Variants in ADAM21 observed in about 807,000 individuals in gnomAD.
The protein encoded by ADAM21 is disintegrin and metalloproteinase domain-containing protein 21.
For missense variants in ADAM21, 678 were observed against 874.4 expected, an observed-to-expected ratio of 0.78 and a Z score of 2.83; for synonymous variants, 262 against 306.0, an observed-to-expected ratio of 0.86 and a Z score of 1.50.
Position 70,459,820 on chromosome 14 carries a change from A to G in ADAM21, c.*152A>G. On this transcript the variant is annotated 3_prime_UTR_variant, in exon 2 of 2. Transcript: ENST00000603540. ...TTACATTAGTACCACAAACATTGTC[A>G]TTAAGTTCAAGTTATTCTTAACATG... 3 of 896,062 alleles carry G rather than the reference A, an allele frequency of 3.3e-6. No homozygotes were observed. The South Asian group carries it at 5.2e-5, about 15-fold the overall frequency. 55.5% of individuals were successfully genotyped at this position (896,062 alleles called of 1,614,324 possible).
chr14:70,453,705 C>T (rs1047837902), intron 1 of ADAM21, among the ~76,000 whole-genome samples: 2 of 152,200 alleles, frequency 1.3e-5, no homozygotes, highest in Non-Finnish European at 2.9e-5. Flanking sequence ...ACAACTGTCA[C>T]TCCATAGTAA....
rs1882498214 is a variant in ADAM21 at position 70,459,731 on chromosome 14, A to G, written c.*63A>G. 1 of 1,558,728 alleles carries G rather than the reference A, an allele frequency of 6.4e-7. No homozygotes were observed. Among genetic ancestry groups the G allele is most frequent in the East Asian group, 2.2e-5 (1 of 44,524 alleles). ...ACTTTAGTCTCTTGGCAGTAGAAAC[A>G]TTAGTACATCCCTGAAACTGAGCAC... On this transcript the variant is annotated 3_prime_UTR_variant, in exon 2 of 2. Coordinates refer to ENST00000603540, the MANE Select transcript of ADAM21 (RefSeq NM_003813.4).
intron 1 of ADAM21, among the ~76,000 whole-genome samples, chr14:70,453,958 T>C (rs1243817311): frequency 1.3e-5 from 2 of 152,166 alleles, no homozygotes; most frequent in Admixed American, 1.3e-4. Context: ...TTCCCCATCT[T>C]CCAGCATCCA....
At position 70,458,598 on chromosome 14, in the gene ADAM21, A is replaced by C; in HGVS notation, c.1099A>C (p.Thr367Pro). The change falls in exon 2 of 2, where the codon ACT (threonine) becomes CCT (proline). Residue 367 changes from threonine (T) to proline (P), a missense_variant. Transcript: ENST00000603540. Reference protein sequence around the residue: ...FCGERGCIMNTFRVPAEKFTN... With the variant: ...FCGERGCIMNPFRVPAEKFTN... Reference sequence around the variant, plus strand: ...TGGGGAAAGAGGTTGCATCATGAATACTTTTAGAGTGCCAGCAGAGAAATT... The same window carrying C: ...TGGGGAAAGAGGTTGCATCATGAATCCTTTTAGAGTGCCAGCAGAGAAATT... 6.2e-7 allele frequency: 1 copy of C among 1,612,826 alleles called. No homozygotes were observed. Among genetic ancestry groups the C allele is most frequent in the Admixed American group, 1.7e-5 (1 of 59,934 alleles).
Position 70,457,520 on chromosome 14 carries a change from C to T in ADAM21, c.21C>T (p.Leu7=), listed in dbSNP as rs3751520. 12 of 1,550,330 alleles carry T rather than the reference C, an allele frequency of 7.7e-6. No homozygotes were observed. Among genetic ancestry groups the T allele is most frequent in the East Asian group, 2.3e-5 (1 of 44,422 alleles). The change falls in exon 2 of 2, where the codon CTC becomes CTT. Residue 7 remains leucine, a synonymous_variant. Transcript: ENST00000603540. ...TCATAATGGCAGTGGATGGGACCCT[C>T]GTGTACATCAGAGTCACTCTTCTGC... MAVDGT[L]VYIRVTLLLL...
rs1276328843 is a variant in ADAM21, at chr14:70,459,393, C to A, written c.1894C>A (p.His632Asn). The change falls in exon 2 of 2, where the codon CAT becomes AAT. Residue 632 changes from histidine (H) to asparagine (N), a missense_variant. By Grantham distance (68) the His-to-Asn change is moderately conservative. Transcript: ENST00000603540. The stretch of plus-strand genomic sequence containing the variant: ...GTGTGTCAGTCTGTCTGTCTTGTCA[C>A]ATGTCTGCCTTCCTGAGACCTGCAA... ...KKCVSLSVLS[H>N]VCLPETCNMK... 6.8e-6 allele frequency: 11 copies of A among 1,614,250 alleles called. No homozygotes were observed. The highest frequency in any genetic ancestry group is 9.3e-6 in the Non-Finnish European group (11 of 1,180,040).
At position 70,459,648 on chromosome 14, in the gene ADAM21, A is replaced by C. The variant is rs1459179533; in HGVS notation, c.2149A>C (p.Lys717Gln). Reference sequence around the variant, plus strand: ...ACAATGTTCTGGTCCCAAAGAAACTAAGGCTCATTCATCAGGTTAAGAAAA... The same window carrying C: ...ACAATGTTCTGGTCCCAAAGAAACTCAGGCTCATTCATCAGGTTAAGAAAA... ...LRQCSGPKET[K>Q]AHSSG The change falls in exon 2 of 2, where the codon AAG becomes CAG. Residue 717 changes from lysine to glutamine, a missense_variant. Transcript: ENST00000603540. 6 of 1,613,898 alleles carry C rather than the reference A, an allele frequency of 3.7e-6. No individual in the cohort carries two copies. The African/African-American group carries it at 8.0e-5, about 22-fold the overall frequency.
At position 70,457,918 on chromosome 14, in the gene ADAM21, G is replaced by T; in HGVS notation, c.419G>T (p.Gly140Val). The T allele has an allele frequency of 6.2e-7, 1 of 1,613,998 alleles. No individual in the cohort carries two copies. The highest frequency in any genetic ancestry group is 8.5e-7 in the Non-Finnish European group (1 of 1,179,996). The part of the protein sequence containing the change: ...GGFRGVLKIS[G>V]LTYEIEPIRH... ...TTTCGAGGAGTATTAAAAATAAGTGGCCTCACTTATGAAATTGAACCCATC... is the reference window on the plus strand; with the variant it reads ...TTTCGAGGAGTATTAAAAATAAGTGTCCTCACTTATGAAATTGAACCCATC... The change falls in exon 2 of 2, where the codon GGC becomes GTC. Residue 140 changes from glycine to valine, a missense_variant. Physicochemically the swap from Gly to Val is moderately radical, Grantham distance 109. Transcript: ENST00000603540.
chr14:70,459,664 G>T lies in ADAM21; in HGVS notation c.2165G>T (p.Gly722Val), dbSNP rs1452575339. 6.2e-7 allele frequency: 1 copy of T among 1,613,062 alleles called. No homozygotes were observed. The highest frequency in any genetic ancestry group is 1.3e-5 in the African/African-American group (1 of 74,792). The change falls in exon 2 of 2, where the codon GGT becomes GTT. Residue 722 changes from glycine to valine, a missense_variant. By Grantham distance (109) the Gly-to-Val change is moderately radical. Transcript: ENST00000603540. ...AAAGAAACTAAGGCTCATTCATCAGGTTAAGAAAATGTCTCTAACTTAATA... is the reference window on the plus strand; with the variant it reads ...AAAGAAACTAAGGCTCATTCATCAGTTTAAGAAAATGTCTCTAACTTAATA... The part of the protein sequence containing the change: ...GPKETKAHSS[G>V]
intron 1 of ADAM21, among the ~76,000 whole-genome samples, chr14:70,456,333 T>C (rs1267698222): frequency 1.3e-5 from 2 of 152,196 alleles, no homozygotes; most frequent in Admixed American, 6.5e-5. Flanking sequence ...AAGACTTGTT[T>C]AATAAATAGA....
At chr14:70,454,839 A>G (rs931294108) in intron 1 of ADAM21, among the ~76,000 whole-genome samples, 6 of 152,220 alleles carry the variant, frequency 3.9e-5, no homozygotes, top group African/African-American at 1.4e-4. Context: ...CAGAGGCCAG[A>G]GCCTTTGAAT....
intron 1 of ADAM21, chr14:70,453,430 G>A (rs763249066): frequency 2.6e-5 from 4 of 152,222 alleles, no homozygotes; most frequent in African/African-American, 7.2e-5. Context: ...GACATTAGAG[G>A]ACATGGATTT....
Position 70,457,966 on chromosome 14 carries a change from A to G in ADAM21, c.467A>G (p.His156Arg), listed in dbSNP as rs1189681830. 1 of 1,608,448 alleles carries G rather than the reference A, an allele frequency of 6.2e-7. No individual in the cohort carries two copies. Among genetic ancestry groups the G allele is most frequent in the Non-Finnish European group, 8.5e-7 (1 of 1,177,032 alleles). ...ATCAGGCACTCTGCCACATTTGAAC[A>G]CCTGGTTTATAAGATAAACAGTAAT... Reference protein sequence around the residue: ...EPIRHSATFEHLVYKINSNET... With the variant: ...EPIRHSATFERLVYKINSNET... Residue 156 changes from histidine to arginine, a missense_variant, in exon 2 of 2, where the codon CAC becomes CGC. Coordinates refer to ENST00000603540, the MANE Select transcript of ADAM21 (RefSeq NM_003813.4).
chr14:70,457,915 G>A lies in ADAM21; in HGVS notation c.416G>A (p.Ser139Asn), dbSNP rs141330583. 1.4e-5 allele frequency: 23 copies of A among 1,613,364 alleles called. No individual in the cohort carries two copies. Among genetic ancestry groups the A allele is most frequent in the African/African-American group, 2.7e-5 (2 of 74,894 alleles). ...GGCTTTCGAGGAGTATTAAAAATAAGTGGCCTCACTTATGAAATTGAACCC... is the reference window on the plus strand; with the variant it reads ...GGCTTTCGAGGAGTATTAAAAATAAATGGCCTCACTTATGAAATTGAACCC... ...FGGFRGVLKI[S>N]GLTYEIEPIR... The change falls in exon 2 of 2, where the codon AGT (serine) becomes AAT (asparagine). Residue 139 changes from serine (S) to asparagine (N), a missense_variant. Ser to Asn is a conservative substitution (Grantham distance 46). Transcript: ENST00000603540.
rs1882495810 is a variant in ADAM21, at chr14:70,459,630, T to G, written c.2131T>G (p.Ser711Ala). The change falls in exon 2 of 2, where the codon TCT becomes GCT. Residue 711 changes from serine to alanine, a missense_variant. Coordinates refer to ENST00000603540, the MANE Select transcript of ADAM21 (RefSeq NM_003813.4). ...VGLLMYLRQC[S>A]GPKETKAHSS... ...GCTTCTTATGTATCTACGACAATGT[T>G]CTGGTCCCAAAGAAACTAAGGCTCA... 1.2e-6 allele frequency: 2 copies of G among 1,614,178 alleles called. No homozygotes were observed. The highest frequency in any genetic ancestry group is 1.7e-6 in the Non-Finnish European group (2 of 1,180,010).
At position 70,459,287 on chromosome 14, in the gene ADAM21, T is replaced by G. The variant is rs945043449; in HGVS notation, c.1788T>G (p.His596Gln). ...TCACCTGCTGGGGTATTGACTATCA[T>G]TTAAGGATGAACATATCTGACATTG... ...NGVTCWGIDY[H>Q]LRMNISDIGE... The change falls in exon 2 of 2, where the codon CAT becomes CAG. Residue 596 changes from histidine (H) to glutamine (Q), a missense_variant. His to Gln is a conservative substitution (Grantham distance 24). Coordinates refer to ENST00000603540, the MANE Select transcript of ADAM21 (RefSeq NM_003813.4). 6.2e-7 allele frequency: 1 copy of G among 1,614,216 alleles called. No homozygotes were observed. The highest frequency in any genetic ancestry group is 1.7e-5 in the Admixed American group (1 of 60,024).
Position 70,457,606 on chromosome 14 carries a change from A to G in ADAM21, c.107A>G (p.His36Arg), listed in dbSNP as rs751644489. Residue 36 changes from histidine (H) to arginine (R), a missense_variant, in exon 2 of 2, where the codon CAT becomes CGT. Physicochemically the swap from His to Arg is conservative, Grantham distance 29. Transcript: ENST00000603540. ...TACTGTCAGGCTGGGCCCTCCCAGC[A>G]TTTCACTTCCCCGGAAGTGGTGATC... Reference protein sequence around the residue: ...SGYCQAGPSQHFTSPEVVIPL... With the variant: ...SGYCQAGPSQRFTSPEVVIPL... 3.1e-6 allele frequency: 5 copies of G among 1,613,926 alleles called. No homozygotes were observed. In the East Asian group the frequency reaches 1.1e-4, roughly 36 times the overall value.
At chr14:70,453,172 T>A (rs937622983) in intron 1 of ADAM21, among the ~76,000 whole-genome samples, 1 of 152,226 alleles carries the variant, frequency 6.6e-6, no homozygotes, top group African/African-American at 2.4e-5. Context: ...CTTCTAGGGA[T>A]GCCTTCTGAT....
At position 70,457,529 on chromosome 14, in the gene ADAM21, C is replaced by G; in HGVS notation, c.30C>G (p.Ile10Met). ...CAGTGGATGGGACCCTCGTGTACAT[C>G]AGAGTCACTCTTCTGCTGCTCTGGC... MAVDGTLVYIRVTLLLLWLG... is the reference protein window; with the variant it reads MAVDGTLVYMRVTLLLLWLG... The change falls in exon 2 of 2, where the codon ATC becomes ATG. Residue 10 changes from isoleucine (I) to methionine (M), a missense_variant. By Grantham distance (10) the Ile-to-Met change is conservative. Coordinates refer to ENST00000603540, the MANE Select transcript of ADAM21 (RefSeq NM_003813.4). 2.5e-6 allele frequency: 4 copies of G among 1,599,074 alleles called. No individual in the cohort carries two copies. The highest frequency in any genetic ancestry group is 3.4e-6 in the Non-Finnish European group (4 of 1,172,746).
Sources: gnomAD v4.1 joint callset for allele counts (sites outside exome capture counted in the v4.1 genomes callset) on GRCh38, gnomAD v4.1.1 for gene constraint, MANE v1.5 for transcripts, NCBI Gene and HGNC (gene_info 2026-07-23, HGNC 2026-07-21) for gene names.